Variants in ASTN2 observed in about 807,000 individuals in gnomAD.
ASTN2 encodes astrotactin-2.
Under a neutral mutation model 139.8 loss-of-function variants are expected in ASTN2, and 54 were observed. The observed-to-expected ratio is 0.39, with a 90% confidence interval of 0.31 to 0.48. The LOEUF is 0.48. Among genes scored for constraint, ASTN2 ranks in the 20% least tolerant of loss-of-function variants. The pLI is 0.95. For missense variants in ASTN2, 1,565 were observed against 1,725.1 expected (o/e 0.91, Z 1.64); for synonymous variants, 756 against 719.5 (o/e 1.05, Z -0.81).
chr9:117,411,714 G>A (rs1013823014), intron 1 of ASTN2, among the ~76,000 whole-genome samples: 2 of 152,136 alleles, frequency 1.3e-5, no homozygotes, highest in East Asian at 1.9e-4. Context: ...GTGACCAGAG[G>A]GCTTTGGTGG....
At chr9:116,963,357 A>T (rs773144228) in intron 10 of ASTN2, among the ~76,000 whole-genome samples, 5 of 152,214 alleles carry the variant, frequency 3.3e-5, no homozygotes, top group Non-Finnish European at 7.3e-5. Flanking sequence ...TTTTGAGGAA[A>T]TAGCAATTGA....
At chr9:116,783,154 G>T (rs185641498) in intron 13 of ASTN2, among the ~76,000 whole-genome samples, 2 of 152,006 alleles carry the variant, frequency 1.3e-5, no homozygotes, top group Non-Finnish European at 2.9e-5. Flanking sequence ...CTATCACCTC[G>T]AACAGTGGTT....
Position 116,699,374 on chromosome 9 carries a change from C to A in ASTN2, c.2806+26397G>T. 1 of 1,614,196 alleles carries A rather than the reference C, an allele frequency of 6.2e-7. No homozygotes were observed. The highest frequency in any genetic ancestry group is 8.5e-7 in the Non-Finnish European group (1 of 1,180,034). On this transcript the variant is annotated intron_variant, in intron 16 of 22. Transcript: ENST00000313400. This position sits in a 1 kb window ranked among gnomAD's most constrained non-coding sequence, Gnocchi z 4.2. ...ATCTGGAGAATCGGCAGAATGAGCA[C>A]CACCTGGAGGGTGGCTTTTCCATTG...
intron 16 of ASTN2, among the ~76,000 whole-genome samples, chr9:116,675,582 G>A (rs1289343577): frequency 6.6e-6 from 1 of 152,198 alleles, no homozygotes; most frequent in Non-Finnish European, 1.5e-5. Context: ...TAGGAGGATA[G>A]TTTGGAAGGG....
intron 1 of ASTN2, among the ~76,000 whole-genome samples, chr9:117,298,639 C>T (rs529957813): frequency 2.8e-5 from 4 of 143,080 alleles, no homozygotes; most frequent in African/African-American, 7.9e-5. Flanking sequence ...TCCTCTTTTA[C>T]TACTGTCTTG....
At chr9:117,328,727 G>A (rs1197807589) in intron 1 of ASTN2, among the ~76,000 whole-genome samples, 1 of 152,194 alleles carries the variant, frequency 6.6e-6, no homozygotes, top group Non-Finnish European at 1.5e-5. Flanking sequence ...GCTGAATCAG[G>A]ACTAGAACAT....
chr9:117,348,921 T>C (rs1314547470), intron 1 of ASTN2, among the ~76,000 whole-genome samples: 2 of 150,096 alleles, frequency 1.3e-5, no homozygotes, highest in African/African-American at 4.9e-5. Flanking sequence ...CATCTAATTG[T>C]GTGACTCCCC....
At chr9:117,344,533 C>T (rs1413283249) in intron 1 of ASTN2, among the ~76,000 whole-genome samples, 7 of 152,154 alleles carry the variant, frequency 4.6e-5, no homozygotes, top group Non-Finnish European at 8.8e-5. Flanking sequence ...CCCAGGGTTG[C>T]CTGTGTTTGT....
Position 116,725,935 on chromosome 9 carries a change from A to C in ASTN2, c.2642T>G (p.Leu881Arg). 1.9e-6 allele frequency: 3 copies of C among 1,613,076 alleles called. No homozygotes were observed. The highest frequency in any genetic ancestry group is 1.7e-6 in the Non-Finnish European group (2 of 1,179,672). ...ITLAAGFTNVLKILTKESSRE... is the reference protein window; with the variant it reads ...ITLAAGFTNVRKILTKESSRE... ...ACTGCTCTCCTTGGTCAGGATCTTG[A>C]GAACATTAGTGAAGCCTGGACAAGA... Residue 881 changes from leucine (L) to arginine (R), a missense_variant, in exon 16 of 23, where the codon CTC (leucine) becomes CGC (arginine). This residue lies in a region of ASTN2 where 503 missense variants were observed against 591.7 expected (regional missense o/e 0.85). Transcript: ENST00000313400.
At chr9:116,428,685 C>T (rs1286091343) in intron 22 of ASTN2, among the ~76,000 whole-genome samples, 7 of 152,108 alleles carry the variant, frequency 4.6e-5, no homozygotes, top group African/African-American at 1.7e-4. Context: ...TGGTTGTATG[C>T]AGTAATGATA....
chr9:116,701,146 G>T (rs1413471258), intron 16 of ASTN2: 5 of 167,060 alleles, frequency 3.0e-5, no homozygotes, highest in African/African-American at 1.2e-4. Flanking sequence ...AGGGCTGATG[G>T]CAAGCCAAAG....
chr9:116,517,861 C>T (rs1161159722), intron 19 of ASTN2, among the ~76,000 whole-genome samples: 2 of 152,128 alleles, frequency 1.3e-5, no homozygotes, highest in African/African-American at 4.8e-5. Flanking sequence ...GAGCAAAATG[C>T]ACTGGAAAGT....
intron 22 of ASTN2, among the ~76,000 whole-genome samples, chr9:116,427,205 C>T (rs867991502): frequency 6.6e-6 from 1 of 152,192 alleles, no homozygotes; most frequent in African/African-American, 2.4e-5. Flanking sequence ...ATCCCAGGGC[C>T]CCACCTACCG....
intron 19 of ASTN2, chr9:116,584,372 C>T (rs1473365369): frequency 6.6e-6 from 1 of 152,112 alleles, no homozygotes; most frequent in Non-Finnish European, 1.5e-5. Context: ...GACAAATGGC[C>T]TGCTATCAAT....
intron 19 of ASTN2, among the ~76,000 whole-genome samples, chr9:116,525,795 T>C (rs576378245): frequency 1.3e-5 from 2 of 152,212 alleles, no homozygotes; most frequent in East Asian, 3.9e-4. Context: ...TTAATAATTA[T>C]CCATGGGCCT....
At chr9:116,511,464 C>G (rs1850374760) in intron 19 of ASTN2, among the ~76,000 whole-genome samples, 1 of 152,068 alleles carries the variant, frequency 6.6e-6, no homozygotes, top group Non-Finnish European at 1.5e-5. Context: ...CTAAAATTAT[C>G]ATTTTTTGTT....
chr9:117,029,962 A>G (rs1209726330), intron 6 of ASTN2, among the ~76,000 whole-genome samples: 2 of 152,130 alleles, frequency 1.3e-5, no homozygotes, highest in African/African-American at 4.8e-5. Context: ...AAATACTTTT[A>G]AATGAATCAG....
At chr9:117,000,316 C>T (rs1837158924) in intron 7 of ASTN2, among the ~76,000 whole-genome samples, 1 of 152,168 alleles carries the variant, frequency 6.6e-6, no homozygotes. Flanking sequence ...GAATTTAAAC[C>T]TGGCTGTGTC....
intron 22 of ASTN2, among the ~76,000 whole-genome samples, chr9:116,430,593 A>G (rs1847465629): frequency 2.0e-5 from 3 of 152,234 alleles, no homozygotes; most frequent in African/African-American, 7.2e-5. Flanking sequence ...CATAAGGGCA[A>G]GTCACTTCAC....
Sources: allele counts gnomAD v4.1 joint callset (sites outside exome capture counted in the v4.1 genomes callset), GRCh38; gene constraint gnomAD v4.1.1; regional missense constraint gnomAD v4.1.1; non-coding constraint Gnocchi (gnomAD v3.1); transcripts MANE v1.5; gene names NCBI Gene and HGNC (gene_info 2026-07-23, HGNC 2026-07-21).